OLAH: variants seen among roughly 807,000 people sequenced by gnomAD.
OLAH encodes oleoyl-ACP hydrolase, also known as S-acyl fatty acid synthase thioesterase, medium chain.
In OLAH, 33 loss-of-function variants were observed where a neutral mutation model predicts 27.8. The observed-to-expected ratio is 1.19, with a 90% confidence interval of 0.90 to 1.59. OLAH has a LOEUF of 1.59. Ranked by LOEUF, OLAH falls within the 40% of genes most tolerant of loss-of-function variation. The pLI is 0.00. For missense variants in OLAH, 359 were observed against 310.8 expected (o/e 1.16, Z -1.17); for synonymous variants, 120 against 102.9 (o/e 1.17, Z -1.01).
rs769333505 is a variant in OLAH, at chr10:15,049,762, G to A, written c.160G>A (p.Glu54Lys). Residue 54 changes from glutamate (E) to lysine (K), a missense_variant, in exon 3 of 8, where the codon GAA (glutamate) becomes AAA (lysine). Physicochemically the swap from Glu to Lys is moderately conservative, Grantham distance 56 (BLOSUM62 1). Transcript: ENST00000378228. ...GGGCCAAGATACTCATGATTTGCTG[G>A]AAGGTATGTTAATTTTTAACATCAT... ...KWGQDTHDLL[E>K]VHSLRLPGRE... 2 of 1,602,494 alleles carry A rather than the reference G, an allele frequency of 1.2e-6. No individual in the cohort carries two copies. Among genetic ancestry groups the A allele is most frequent in the Admixed American group, 3.6e-5 (2 of 56,174 alleles).
chr10:15,068,838 G>A (rs1470732254), intron 6 of OLAH, among the ~76,000 whole-genome samples: 1 of 152,188 alleles, frequency 6.6e-6, no homozygotes, highest in Non-Finnish European at 1.5e-5. Flanking sequence ...GACTGGGCTT[G>A]AGCTGGGTAG....
intron 6 of OLAH, among the ~76,000 whole-genome samples, chr10:15,067,679 T>G (rs1218305539): frequency 6.6e-6 from 1 of 152,222 alleles, no homozygotes; most frequent in Non-Finnish European, 1.5e-5. Context: ...TCTCCAAATT[T>G]CAAAAACTCT....
intron 2 of OLAH, among the ~76,000 whole-genome samples, chr10:15,048,992 A>T (rs1000029838): frequency 6.6e-6 from 1 of 151,970 alleles, no homozygotes; most frequent in Non-Finnish European, 1.5e-5. Flanking sequence ...AATCTCAACT[A>T]CATGGGAGGC....
chr10:15,073,050 T>A, intron 7 of OLAH, 37 bp from the exon 8 acceptor site: 1 of 1,597,036 alleles, frequency 6.3e-7, no homozygotes, highest in African/African-American at 1.4e-5. Context: ...TAGTTGCTGT[T>A]GGTGTTGTTA....
In OLAH at chr10:15,047,140, A is replaced by T. The variant is rs1299670491; in HGVS notation, c.-149A>T. 4.8e-6 allele frequency: 3 copies of T among 623,090 alleles called. No individual in the cohort carries two copies. Among genetic ancestry groups the T allele is most frequent in the Non-Finnish European group, 8.2e-6 (3 of 366,200 alleles). The allele number at this position is 623,090 out of a possible 1,614,324, so 38.6% of individuals were successfully genotyped here. ...ATTTTTAACAGGGATTGGAGAGGTC[A>T]ATAAGAGTCAGCGCCTTTAAAAAGA... is the stretch of plus-strand genomic sequence containing the variant. On this transcript the variant is annotated 5_prime_UTR_variant, in exon 2 of 8. Coordinates refer to ENST00000378228, the MANE Select transcript of OLAH (RefSeq NM_001039702.3).
chr10:15,057,071 TA>T, intron 3 of OLAH: 1 of 1,273,940 alleles, frequency 7.8e-7, no homozygotes, highest in Non-Finnish European at 1.0e-6. Context: ...CTTTAAATTT[TA>T]ATATAATCAA....
At chr10:15,044,456 C>CT (rs111706883) in intron 1 of OLAH, among the ~76,000 whole-genome samples, 30 of 149,534 alleles carry the variant, frequency 2.0e-4, no homozygotes, top group Non-Finnish European at 3.1e-4. Flanking sequence ...TTTTTTCTTT[C>CT]TTTTTTTTTA....
At chr10:15,058,968 C>A (rs1844302534) in intron 3 of OLAH, among the ~76,000 whole-genome samples, 1 of 118,292 alleles carries the variant, frequency 8.5e-6, no homozygotes, top group African/African-American at 2.9e-5. Context: ...TCCTTCCCTC[C>A]CTCCCTCTCT....
chr10:15,057,875 C>T lies in OLAH; in HGVS notation c.164-3849C>T, dbSNP rs1053541803. ...GATTCTCTTACTCCACCGATCTATA[C>T]GTCTATGTTTACTCCAAAAGTATAC... On this transcript the variant is annotated intron_variant, in intron 3 of 7. Coordinates refer to ENST00000378228, the MANE Select transcript of OLAH (RefSeq NM_001039702.3). Among the ~76,000 whole-genome samples the T allele has an allele frequency of 5.3e-5, 8 of 152,190 alleles. No individual in the cohort carries two copies. The East Asian group carries it at 5.8e-4, about 11-fold the overall frequency.
chr10:15,073,005 A>G, intron 7 of OLAH, 82 bp from the exon 8 acceptor site: 2 of 1,331,058 alleles, frequency 1.5e-6, no homozygotes, highest in Non-Finnish European at 1.1e-6. Context: ...TCAGGGTGTC[A>G]GCTCTTAAAG....
At chr10:15,045,786 G>C (rs1433057951) in intron 1 of OLAH, among the ~76,000 whole-genome samples, 1 of 152,166 alleles carries the variant, frequency 6.6e-6, no homozygotes, top group Non-Finnish European at 1.5e-5. Flanking sequence ...AGAAGATAAA[G>C]ACCTTTATAA....
chr10:15,050,257 T>C (rs920229018), intron 3 of OLAH, among the ~76,000 whole-genome samples: 1 of 152,120 alleles, frequency 6.6e-6, no homozygotes, highest in Non-Finnish European at 1.5e-5. Context: ...ATCTCTATAA[T>C]AATAATTATT....
intron 6 of OLAH, among the ~76,000 whole-genome samples, chr10:15,067,258 C>T (rs780267932): frequency 9.2e-5 from 14 of 152,152 alleles, no homozygotes; most frequent in Non-Finnish European, 1.3e-4. Context: ...TTAAGCCTTG[C>T]ACAATGGTGA....
intron 3 of OLAH, among the ~76,000 whole-genome samples, chr10:15,058,884 C>A (rs7082022): frequency 6.6e-6 from 1 of 150,896 alleles, no homozygotes; most frequent in African/African-American, 2.4e-5. Flanking sequence ...CTTCCTACCC[C>A]CTAGTATTGT....
chr10:15,065,431 A>G (rs1844447905), intron 5 of OLAH, 153 bp from the exon 6 acceptor site: 1 of 728,852 alleles, frequency 1.4e-6, no homozygotes, highest in Non-Finnish European at 2.1e-6. Flanking sequence ...CCCTACTTTC[A>G]AAACGACATA....
chr10:15,036,728 A>T (rs1003081187), intron 1 of OLAH, among the ~76,000 whole-genome samples: 2 of 152,098 alleles, frequency 1.3e-5, no homozygotes, highest in Admixed American at 1.3e-4. Context: ...GGGATCAAGC[A>T]ATCCTCCCTC....
intron 1 of OLAH, 67 bp downstream of exon 1, chr10:15,044,053 T>G (rs1471684177): frequency 6.6e-6 from 1 of 152,212 alleles, no homozygotes; most frequent in Non-Finnish European, 1.5e-5. Flanking sequence ...ATGTCTCATA[T>G]GCACAGCCTA....
At chr10:15,037,779 C>T (rs921714724) in intron 1 of OLAH, among the ~76,000 whole-genome samples, 3 of 152,106 alleles carry the variant, frequency 2.0e-5, no homozygotes, top group Non-Finnish European at 4.4e-5. Flanking sequence ...GAATTCTCTA[C>T]GTATGGGGAT....
At chr10:15,066,393 T>C (rs1356732978) in intron 6 of OLAH, among the ~76,000 whole-genome samples, 5 of 152,068 alleles carry the variant, frequency 3.3e-5, no homozygotes, top group African/African-American at 7.2e-5. Flanking sequence ...CAGAAATAGA[T>C]TGTTACTTAT....
Sources: allele counts gnomAD v4.1 joint callset (sites outside exome capture counted in the v4.1 genomes callset), GRCh38; gene constraint gnomAD v4.1.1; transcripts MANE v1.5; gene names NCBI Gene and HGNC (gene_info 2026-07-23, HGNC 2026-07-21).